The following MROH7 variants were observed in gnomAD, a reference collection of about 807,000 sequenced individuals.
MROH7 encodes the protein maestro heat-like repeat-containing protein family member 7.
In MROH7, 113 loss-of-function variants were observed where a neutral mutation model predicts 129.2. That is an observed-to-expected ratio of 0.87 (90% CI 0.75 to 1.02). The LOEUF (loss-of-function observed/expected upper bound fraction) is 1.02, where lower values mean the gene tolerates loss of function less well. Ranked by LOEUF, MROH7 falls within the 50% of genes least tolerant of loss-of-function variation. The pLI is 0.00. For missense variants in MROH7, 1,601 were observed against 1,671.3 expected (o/e 0.96, Z 0.73); for synonymous variants, 655 against 667.9 (o/e 0.98, Z 0.30).
intron 3 of MROH7, chr1:54,663,710 A>G: frequency 1.4e-5 from 6 of 415,614 alleles, no homozygotes; most frequent in Non-Finnish European, 2.8e-5. Context: ...AACAAAAAAA[A>G]AACAAGCTTT....
chr1:54,644,661 T>A (rs1424040504), intron 1 of MROH7, among the ~76,000 whole-genome samples: 1 of 144,820 alleles, frequency 6.9e-6, no homozygotes, highest in Non-Finnish European at 1.5e-5. Flanking sequence ...TTTCTTCTGT[T>A]TTTTAATGTA....
At position 54,653,793 on chromosome 1, in the gene MROH7, C is replaced by A; in HGVS notation, c.867C>A (p.Ser289Arg). 6.2e-7 allele frequency: 1 copy of A among 1,614,102 alleles called. No individual in the cohort carries two copies. The highest frequency in any genetic ancestry group is 8.5e-7 in the Non-Finnish European group (1 of 1,180,018). ...ASSGHSRSDL[S>R]VTITQASYVT... is the part of the protein sequence containing the mutation. ...GCGGCCACTCCAGATCTGATTTGAG[C>A]GTGACCATCACTCAAGCCTCGTATG... Residue 289 changes from serine (S) to arginine (R), a missense_variant, in exon 3 of 24, where the codon AGC (serine) becomes AGA (arginine). Ser to Arg is a moderately radical substitution (Grantham distance 110). Coordinates refer to ENST00000421030, the MANE Select transcript of MROH7 (RefSeq NM_001039464.4).
In MROH7 at chr1:54,670,562, C is replaced by A. The variant is rs1644881598; in HGVS notation, c.1455C>A (p.Ile485=). 1 of 1,613,376 alleles carries A rather than the reference C, an allele frequency of 6.2e-7. No individual in the cohort carries two copies. Among genetic ancestry groups the A allele is most frequent in the South Asian group, 1.1e-5 (1 of 90,838 alleles). The change falls in exon 6 of 24, where the codon ATC becomes ATA. Residue 485 remains isoleucine, a synonymous_variant. Coordinates refer to ENST00000421030, the MANE Select transcript of MROH7 (RefSeq NM_001039464.4). ...CCGTCCGCAAGCAGGCCATGGAGAT[C>A]CTGACCCAGCTGAGGTGTCCATGGC... is the stretch of plus-strand genomic sequence containing the variant. ...SSSVRKQAME[I]LTQLSHTQPT...
chr1:54,685,778 G>A (rs1013088730), intron 14 of MROH7, among the ~76,000 whole-genome samples: 3 of 152,150 alleles, frequency 2.0e-5, no homozygotes, highest in Admixed American at 6.5e-5. Flanking sequence ...GAAGAGGCCA[G>A]CCTGGTGCCC....
chr1:54,676,250 T>C (rs1434055018), intron 10 of MROH7, among the ~76,000 whole-genome samples: 5 of 152,178 alleles, frequency 3.3e-5, no homozygotes, highest in African/African-American at 1.2e-4. Flanking sequence ...GATTTATTTA[T>C]TTTTTGAGAT....
Position 54,653,939 on chromosome 1 carries a change from G to T in MROH7, c.1013G>T (p.Ser338Ile). 6.2e-7 allele frequency: 1 copy of T among 1,614,164 alleles called. No homozygotes were observed. Among genetic ancestry groups the T allele is most frequent in the Non-Finnish European group, 8.5e-7 (1 of 1,180,048 alleles). ...TLILGSNETL[S>I]LDSSLLFSDT... ...ATCCTGGGTTCCAATGAGACTCTGA[G>T]CCTGGACTCCAGCCTCCTGTTCAGC... Residue 338 changes from serine to isoleucine, a missense_variant, in exon 3 of 24, where the codon AGC (serine) becomes ATC (isoleucine). By Grantham distance (142) the Ser-to-Ile change is moderately radical. Coordinates refer to ENST00000421030, the MANE Select transcript of MROH7 (RefSeq NM_001039464.4).
chr1:54,707,373 C>T (rs551659781), intron 22 of MROH7, among the ~76,000 whole-genome samples: 24 of 152,280 alleles, frequency 1.6e-4, no homozygotes, highest in South Asian at 6.2e-4. Flanking sequence ...TGTTTTCTTC[C>T]GTCCGATCAT....
intron 17 of MROH7, chr1:54,698,186 G>A: frequency 6.2e-6 from 1 of 161,096 alleles, no homozygotes; most frequent in Non-Finnish European, 1.4e-5. Flanking sequence ...TAAGGGAGCT[G>A]TGCCATCTTG....
intron 3 of MROH7, chr1:54,663,704 A>AAC (rs1644768867): frequency 2.0e-5 from 8 of 399,974 alleles, no homozygotes; most frequent in South Asian, 8.8e-5. Flanking sequence ...AAAAAAAACA[A>AAC]AAAAAAAACA....
intron 19 of MROH7, 31 bp downstream of exon 19, chr1:54,701,353 G>C (rs1276789451): frequency 6.5e-7 from 1 of 1,527,116 alleles, no homozygotes; most frequent in Non-Finnish European, 8.8e-7. Context: ...AGGAGCAGGA[G>C]GGATCGAGAA....
At chr1:54,663,225 C>T (rs2101088867) in intron 3 of MROH7, among the ~76,000 whole-genome samples, 1 of 152,112 alleles carries the variant, frequency 6.6e-6, no homozygotes, top group South Asian at 2.1e-4. Context: ...AGTATGGACT[C>T]AAGGTTTGTT....
chr1:54,704,983 G>C (rs779576971), intron 21 of MROH7, among the ~76,000 whole-genome samples: 3 of 151,214 alleles, frequency 2.0e-5, no homozygotes, highest in Non-Finnish European at 4.4e-5. Flanking sequence ...ATTTTTAGTA[G>C]AGACGGAGTT....
At chr1:54,656,790 G>A (rs547559355) in intron 3 of MROH7, among the ~76,000 whole-genome samples, 2 of 152,090 alleles carry the variant, frequency 1.3e-5, no homozygotes, top group South Asian at 2.1e-4. Flanking sequence ...CAGCCTGGGC[G>A]ACACAGCGGG....
chr1:54,671,823 G>A (rs1644908133), intron 7 of MROH7, among the ~76,000 whole-genome samples: 2 of 152,116 alleles, frequency 1.3e-5, no homozygotes, highest in South Asian at 4.2e-4. Flanking sequence ...GGGGGAGATG[G>A]ATGGTATCAA....
At chr1:54,708,440 A>G (rs1645570956) in intron 22 of MROH7, among the ~76,000 whole-genome samples, 1 of 151,792 alleles carries the variant, frequency 6.6e-6, no homozygotes, top group African/African-American at 2.4e-5. Flanking sequence ...AAACAAACAA[A>G]CAATAGTGAG....
intron 23 of MROH7, among the ~76,000 whole-genome samples, chr1:54,709,589 C>T (rs922350011): frequency 7.9e-5 from 12 of 152,146 alleles, no homozygotes; most frequent in South Asian, 2.1e-4. Flanking sequence ...ACAGAACACA[C>T]AGCCCCACCC....
intron 4 of MROH7, among the ~76,000 whole-genome samples, chr1:54,667,056 T>C (rs1043798721): frequency 1.8e-4 from 28 of 152,182 alleles, no homozygotes; most frequent in Admixed American, 1.8e-3. Context: ...ACACATTTAA[T>C]TGAGCCTCTA....
chr1:54,706,792 A>G (rs1428977923), intron 22 of MROH7, among the ~76,000 whole-genome samples: 1 of 152,226 alleles, frequency 6.6e-6, no homozygotes, highest in Non-Finnish European at 1.5e-5. Context: ...TGTATATGGC[A>G]GAACTGCTGC....
At chr1:54,651,915 C>G (rs1452209029) in intron 1 of MROH7, 34 bp from the exon 2 acceptor site, 1 of 152,266 alleles carries the variant, frequency 6.6e-6, no homozygotes, top group East Asian at 1.9e-4. Context: ...AGGCACTCTT[C>G]CCTGACTTGA....
Sources: allele counts gnomAD v4.1 joint callset (sites outside exome capture counted in the v4.1 genomes callset), GRCh38; gene constraint gnomAD v4.1.1; transcripts MANE v1.5; gene names NCBI Gene and HGNC (gene_info 2026-07-23, HGNC 2026-07-21).